The following BRINP2 variants were observed in gnomAD, a reference collection of about 807,000 sequenced individuals.
BRINP2 encodes BMP/retinoic acid-inducible neural-specific protein 2.
BRINP2 carries 21 observed loss-of-function variants against 69.2 expected under a neutral mutation model. The ratio of observed to expected loss-of-function variants is 0.30; its 90% confidence interval spans 0.22 to 0.44. The LOEUF (loss-of-function observed/expected upper bound fraction) is 0.44, where lower values mean the gene tolerates loss of function less well. Among genes scored for constraint, BRINP2 ranks in the 20% least tolerant of loss-of-function variants. BRINP2 has a pLI of 1.00. For synonymous variants in BRINP2, 380 were observed against 394.1 expected (o/e 0.96, Z 0.42); for missense variants, 877 against 986.0 (o/e 0.89, Z 1.48).
rs1276965985 is a variant in BRINP2 at position 177,278,642 on chromosome 1, G to A, written c.1092G>A (p.Met364Ile). 8 of 1,614,220 alleles carry A rather than the reference G, an allele frequency of 5.0e-6. No homozygotes were observed. In the South Asian group the frequency reaches 6.6e-5, roughly 13 times the overall value. The change falls in exon 7 of 8, where the codon ATG becomes ATA. Residue 364 changes from methionine (M) to isoleucine (I), a missense_variant. Around this residue, in one of 3 missense-constraint regions of BRINP2, gnomAD observed 566 missense variants for 625.2 expected, o/e 0.91. Transcript: ENST00000361539. ...NSTAISQFWA[M>I]DTSLQHRYQQ... Reference sequence around the variant, plus strand: ...CAGCTATCTCCCAGTTCTGGGCCATGGACACCAGCCTTCAGCACCGCTACC... The same window carrying A: ...CAGCTATCTCCCAGTTCTGGGCCATAGACACCAGCCTTCAGCACCGCTACC...
chr1:177,219,128 G>A lies in BRINP2; in HGVS notation c.-76-10673G>A, dbSNP rs531406001. The stretch of plus-strand genomic sequence containing the variant: ...CCCTTGCAAACTGCCAGTGAGCCTT[G>A]GACCATACTTTTAGAAATGATGCTT... On this transcript the variant is annotated intron_variant, in intron 1 of 7. Coordinates refer to ENST00000361539, the MANE Select transcript of BRINP2 (RefSeq NM_021165.4). 4.0e-3 allele frequency among the ~76,000 whole-genome samples: 609 copies of A among 152,262 alleles called. 5 individuals are homozygous for A. Among genetic ancestry groups the A allele is most frequent in the Non-Finnish European group, 5.8e-3 (393 of 68,012 alleles).
At chr1:177,209,874 T>C (rs1285977793) in intron 1 of BRINP2, among the ~76,000 whole-genome samples, 1 of 152,248 alleles carries the variant, frequency 6.6e-6, no homozygotes, top group Non-Finnish European at 1.5e-5. Flanking sequence ...ATAGAAAATT[T>C]GGAAATACAT....
chr1:177,193,236 T>C (rs1648643661), intron 1 of BRINP2, among the ~76,000 whole-genome samples: 1 of 152,174 alleles, frequency 6.6e-6, no homozygotes, highest in South Asian at 2.1e-4. Context: ...CACGAGCATG[T>C]GATGGGTGAA....
intron 1 of BRINP2, among the ~76,000 whole-genome samples, chr1:177,207,740 T>A (rs1649107869): frequency 6.6e-6 from 1 of 152,154 alleles, no homozygotes; most frequent in East Asian, 1.9e-4. Context: ...GGTTACAGTT[T>A]CTCTCTGGTT....
chr1:177,176,627 AG>A (rs1648096015), intron 1 of BRINP2, among the ~76,000 whole-genome samples: 1 of 151,744 alleles, frequency 6.6e-6, no homozygotes, highest in African/African-American at 2.4e-5. Flanking sequence ...GGCATGAAAT[AG>A]GAGGAGTTGG....
chr1:177,275,269 G>T (rs1375715661), intron 5 of BRINP2: 1 of 456,040 alleles, frequency 2.2e-6, no homozygotes, highest in Non-Finnish European at 4.4e-6. Flanking sequence ...CTGCAGTTGG[G>T]TGAGAAAACT....
chr1:177,187,629 G>A (rs1648466108), intron 1 of BRINP2, among the ~76,000 whole-genome samples: 2 of 152,092 alleles, frequency 1.3e-5, no homozygotes, highest in South Asian at 4.1e-4. Flanking sequence ...GCCAAAGCAG[G>A]CCTCATGAAG....
At chr1:177,233,531 T>A (rs1348006705) in intron 2 of BRINP2, among the ~76,000 whole-genome samples, 2 of 152,230 alleles carry the variant, frequency 1.3e-5, no homozygotes, top group Admixed American at 1.3e-4. Context: ...TAGGTGTTTT[T>A]TGCTTTAATG....
At chr1:177,212,477 G>A (rs541603354) in intron 1 of BRINP2, among the ~76,000 whole-genome samples, 9 of 152,120 alleles carry the variant, frequency 5.9e-5, no homozygotes, top group South Asian at 4.2e-4. Flanking sequence ...CCCAGGAGGC[G>A]GAGCTTGCAG....
At position 177,234,692 on chromosome 1, in the gene BRINP2, T is replaced by C. The variant is rs149570396; in HGVS notation, c.269+4547T>C. Among the ~76,000 whole-genome samples the C allele has an allele frequency of 7.9e-5, 12 of 152,328 alleles. No homozygotes were observed. In the East Asian group the frequency reaches 2.3e-3, roughly 29 times the overall value. ...CAATGCTGAATGGAATTCCAAAATA[T>C]TGACCTTAGTCATTATCACATCTAC... is the stretch of plus-strand genomic sequence containing the variant. On this transcript the variant is annotated intron_variant, in intron 2 of 7. Coordinates refer to ENST00000361539, the MANE Select transcript of BRINP2 (RefSeq NM_021165.4).
At chr1:177,216,648 T>A (rs1197696934) in intron 1 of BRINP2, among the ~76,000 whole-genome samples, 1 of 66,774 alleles carries the variant, frequency 1.5e-5, no homozygotes. Flanking sequence ...TTAAAAGAAC[T>A]CTCTTTTGCA....
chr1:177,256,423 C>G (rs1650760753), intron 3 of BRINP2: 2 of 985,306 alleles, frequency 2.0e-6, no homozygotes, highest in African/African-American at 3.5e-5. Flanking sequence ...TGAGGCTTCG[C>G]CACTTTCTAA....
chr1:177,217,687 C>T (rs1255523259), intron 1 of BRINP2, among the ~76,000 whole-genome samples: 1 of 152,118 alleles, frequency 6.6e-6, no homozygotes, highest in Non-Finnish European at 1.5e-5. Context: ...CCCTATGATT[C>T]TGGATGGGTC....
At position 177,206,975 on chromosome 1, in the gene BRINP2, A is replaced by G. The variant is rs148449550; in HGVS notation, c.-76-22826A>G. On this transcript the variant is annotated intron_variant, in intron 1 of 7. Transcript: ENST00000361539. The stretch of plus-strand genomic sequence containing the variant: ...TATGGTGTTAGAGTTAGAGGAAAAC[A>G]TAACAACCACAGGAGAGGGAGATTT... Among the ~76,000 whole-genome samples, 58 of 152,338 alleles carry G rather than the reference A, an allele frequency of 3.8e-4. No individual in the cohort carries two copies. In the East Asian group the frequency reaches 8.3e-3, roughly 22 times the overall value.
intron 1 of BRINP2, among the ~76,000 whole-genome samples, chr1:177,223,929 C>T (rs1290607051): frequency 6.6e-6 from 1 of 152,044 alleles, no homozygotes; most frequent in Non-Finnish European, 1.5e-5. Flanking sequence ...AATTATGGGA[C>T]CTGATGAGGC....
chr1:177,225,307 C>A (rs531875180), intron 1 of BRINP2, among the ~76,000 whole-genome samples: 1 of 152,154 alleles, frequency 6.6e-6, no homozygotes, highest in Non-Finnish European at 1.5e-5. Context: ...ACTTGGTTTA[C>A]CTTTACGTTT....
intron 3 of BRINP2, 190 bp downstream of exon 3, chr1:177,256,299 T>C: frequency 1.0e-6 from 1 of 982,910 alleles, no homozygotes; most frequent in East Asian, 1.1e-4. Context: ...CTCTATTTAA[T>C]TATTCCCTGA....
intron 1 of BRINP2, among the ~76,000 whole-genome samples, chr1:177,214,692 G>A (rs1571902790): frequency 6.6e-6 from 1 of 152,178 alleles, no homozygotes; most frequent in Non-Finnish European, 1.5e-5. Flanking sequence ...AAGGCTAAAT[G>A]AGAATCATCA....
At chr1:177,191,796 C>A (rs11805486) in intron 1 of BRINP2, among the ~76,000 whole-genome samples, 1 of 152,174 alleles carries the variant, frequency 6.6e-6, no homozygotes, top group Non-Finnish European at 1.5e-5. Context: ...ATTCATGTGT[C>A]TTTCACCTCG....
Sources: gnomAD v4.1 joint callset for allele counts (sites outside exome capture counted in the v4.1 genomes callset) on GRCh38, gnomAD v4.1.1 for gene constraint, gnomAD v4.1.1 regional missense constraint, MANE v1.5 for transcripts, NCBI Gene and HGNC (gene_info 2026-07-23, HGNC 2026-07-21) for gene names.